The following ACACB variants were observed in gnomAD, a reference collection of about 807,000 sequenced individuals.
ACACB encodes acetyl-CoA carboxylase 2.
Under a neutral mutation model 278.8 loss-of-function variants are expected in ACACB, and 209 were observed. That is an observed-to-expected ratio of 0.75 (90% CI 0.67 to 0.84). The LOEUF (loss-of-function observed/expected upper bound fraction) is 0.84. ACACB is among the 40% of genes least tolerant of loss of function. The pLI is 0.00. For missense variants in ACACB, 2,850 were observed against 3,269.0 expected, an observed-to-expected ratio of 0.87 and a Z score of 3.13; for synonymous variants, 1,174 against 1,285.6, an observed-to-expected ratio of 0.91 and a Z score of 1.86.
chr12:109,237,132 T>C (rs1321756959), intron 33 of ACACB, 33 bp from the exon 34 acceptor site: 6 of 1,609,070 alleles, frequency 3.7e-6, no homozygotes, highest in Non-Finnish European at 5.1e-6. Context: ...TGTGTGTGTA[T>C]GTGTCTGTCT....
intron 17 of ACACB, among the ~76,000 whole-genome samples, chr12:109,197,836 A>C (rs924172697): frequency 6.6e-6 from 1 of 152,156 alleles, no homozygotes; most frequent in Non-Finnish European, 1.5e-5. Context: ...CTCTCTTCTC[A>C]ATCCTCAATG....
intron 2 of ACACB, among the ~76,000 whole-genome samples, 198 bp downstream of exon 2, chr12:109,140,256 A>T (rs751973856): frequency 0.04 from 3,310 of 82,948 alleles, 163 homozygotes; most frequent in Middle Eastern, 0.057. Flanking sequence ...CCTTCCTTCC[A>T]TCCTTCCTTC....
chr12:109,184,929 C>T (rs1213586012), intron 11 of ACACB, among the ~76,000 whole-genome samples: 1 of 152,056 alleles, frequency 6.6e-6, no homozygotes, highest in Non-Finnish European at 1.5e-5. Flanking sequence ...CCAGGCTGGT[C>T]TCCAACTCCT....
chr12:109,227,260 T>C, intron 27 of ACACB, 111 bp from the exon 28 acceptor site: 1 of 951,768 alleles, frequency 1.1e-6, no homozygotes, highest in Non-Finnish European at 1.6e-6. Flanking sequence ...TGCTTACAGA[T>C]AGATATTTTA....
At chr12:109,175,850 C>T (rs751880192) in intron 7 of ACACB, 81 bp from the exon 8 acceptor site, 1 of 1,210,930 alleles carries the variant, frequency 8.3e-7, no homozygotes, top group Non-Finnish European at 1.2e-6. Context: ...ACTATGTCAG[C>T]AGGGAGAGGC....
intron 12 of ACACB, among the ~76,000 whole-genome samples, chr12:109,186,242 A>C (rs188899682): frequency 4.1e-4 from 62 of 152,172 alleles, no homozygotes; most frequent in Middle Eastern, 3.4e-3. Flanking sequence ...GATTTACTGG[A>C]TTTTTGGATT....
At chr12:109,264,511 T>C in intron 50 of ACACB, 125 bp downstream of exon 50, 1 of 1,251,986 alleles carries the variant, frequency 8.0e-7, no homozygotes, top group South Asian at 1.4e-5. Context: ...CTGCAGGAGG[T>C]GGGAGTCACC....
At chr12:109,261,744 G>A (rs993104293) in intron 48 of ACACB, among the ~76,000 whole-genome samples, 2 of 151,836 alleles carry the variant, frequency 1.3e-5, no homozygotes, top group Non-Finnish European at 2.9e-5. Flanking sequence ...GGTGGTACAC[G>A]CCTGTAATCC....
chr12:109,242,319 T>C, intron 36 of ACACB, 118 bp from the exon 37 acceptor site: 1 of 1,172,676 alleles, frequency 8.5e-7, no homozygotes, highest in African/African-American at 1.5e-5. Context: ...CACTTTGTCA[T>C]GCCATGTGAC....
rs1320462116 is a variant in ACACB at position 109,252,168 on chromosome 12, G to C, written c.5901+12G>C. On this transcript the variant is annotated intron_variant, in intron 42 of 52. Coordinates refer to ENST00000338432, the MANE Select transcript of ACACB (RefSeq NM_001093.4). ...GTGCTCTCAACAAGGTGACCAAAAA[G>C]GGGCCTGTGCAGAGTGGATCCTTGG... 2 of 1,594,432 alleles carry C rather than the reference G, an allele frequency of 1.3e-6. No homozygotes were observed. Among genetic ancestry groups the C allele is most frequent in the Admixed American group, 1.7e-5 (1 of 58,392 alleles).
At chr12:109,226,780 C>T (rs1368547221) in intron 27 of ACACB, among the ~76,000 whole-genome samples, 3 of 151,482 alleles carry the variant, frequency 2.0e-5, no homozygotes, top group Non-Finnish European at 4.4e-5. Context: ...GTGCTAACAG[C>T]AGAATTGAGT....
intron 1 of ACACB, among the ~76,000 whole-genome samples, chr12:109,133,567 T>G (rs535899774): frequency 6.6e-6 from 1 of 152,036 alleles, no homozygotes; most frequent in Non-Finnish European, 1.5e-5. Flanking sequence ...ATTCAAGTAT[T>G]TTTTAACTGG....
At chr12:109,143,588 G>A (rs1040686063) in intron 2 of ACACB, among the ~76,000 whole-genome samples, 2 of 152,086 alleles carry the variant, frequency 1.3e-5, no homozygotes, top group Non-Finnish European at 2.9e-5. Flanking sequence ...CATTTTCAGA[G>A]TTGAGAATTT....
chr12:109,260,142 G>T (rs745527778), intron 47 of ACACB: 4 of 1,394,902 alleles, frequency 2.9e-6, no homozygotes, highest in Non-Finnish European at 2.9e-6. Context: ...GGAAGGATCA[G>T]TGTGACTGTT....
chr12:109,241,088 C>A lies in ACACB; in HGVS notation c.4829C>A (p.Ser1610Tyr). The part of the protein sequence containing the change: ...VIMDPFKIEE[S>Y]VRYMVMRYGS... The stretch of plus-strand genomic sequence containing the variant: ...TGTGTTTTGGGGCAGATCGAGGAGT[C>A]CGTGCGCTACATGGTTATGCGCTAC... Residue 1610 changes from serine to tyrosine, a missense_variant, in exon 36 of 53, where the codon TCC becomes TAC. Coordinates refer to ENST00000338432, the MANE Select transcript of ACACB (RefSeq NM_001093.4). The A allele has an allele frequency of 6.2e-7, 1 of 1,614,084 alleles. No individual in the cohort carries two copies. Among genetic ancestry groups the A allele is most frequent in the Non-Finnish European group, 8.5e-7 (1 of 1,179,992 alleles).
chr12:109,167,702 A>T (rs1379171421), intron 3 of ACACB, among the ~76,000 whole-genome samples, 194 bp from the exon 4 acceptor site: 1 of 144,468 alleles, frequency 6.9e-6, no homozygotes. Context: ...TGATCCATTC[A>T]TGTGGATGGC....
intron 21 of ACACB, among the ~76,000 whole-genome samples, chr12:109,210,380 C>T (rs149738835): frequency 6.1e-5 from 7 of 114,792 alleles, no homozygotes; most frequent in African/African-American, 2.6e-4. Flanking sequence ...TACACGCACA[C>T]ACATGTGTAT....
Position 109,155,865 on chromosome 12 carries a change from C to T in ACACB, c.654-10996C>T, listed in dbSNP as rs150587495. On this transcript the variant is annotated intron_variant, in intron 2 of 52. Coordinates refer to ENST00000338432, the MANE Select transcript of ACACB (RefSeq NM_001093.4). The stretch of plus-strand genomic sequence containing the variant: ...CGAAAAAAGTTTTATTGGACTGCAG[C>T]CTGCTCATCGATTTATGATTTATGC... 2.4e-3 allele frequency among the ~76,000 whole-genome samples: 362 copies of T among 152,252 alleles called. 4 individuals are homozygous for T. The highest frequency in any genetic ancestry group is 8.2e-3 in the African/African-American group (340 of 41,534).
chr12:109,204,045 T>C (rs1223161137), intron 19 of ACACB, among the ~76,000 whole-genome samples: 2 of 152,160 alleles, frequency 1.3e-5, no homozygotes, highest in African/African-American at 4.8e-5. Context: ...ATTATAATTA[T>C]TATGGGTACA....
Sources: gnomAD v4.1 joint callset for allele counts (sites outside exome capture counted in the v4.1 genomes callset) on GRCh38, gnomAD v4.1.1 for gene constraint, MANE v1.5 for transcripts, NCBI Gene and HGNC (gene_info 2026-07-23, HGNC 2026-07-21) for gene names.